The following TTYH2 variants were observed in gnomAD, a reference collection of about 807,000 sequenced individuals.
The protein encoded by TTYH2 is protein tweety homolog 2.
In TTYH2, 49 loss-of-function variants were observed where a neutral mutation model predicts 68.3. The ratio of observed to expected loss-of-function variants is 0.72; its 90% CI spans 0.57 to 0.91. TTYH2 has a LOEUF of 0.91. TTYH2 is among the 40% of genes least tolerant of loss of function. The pLI is 0.00. For missense variants in TTYH2, 631 were observed against 700.4 expected, an observed-to-expected ratio of 0.90 and a Z score of 1.12; for synonymous variants, 272 against 300.8, an observed-to-expected ratio of 0.90 and a Z score of 0.99.
intron 10 of TTYH2, among the ~76,000 whole-genome samples, chr17:74,251,073 TG>T (rs2050618954): frequency 7.8e-6 from 1 of 127,778 alleles, no homozygotes. Context: ...TGTGCGTGTG[TG>T]TGCACTTGTG....
chr17:74,230,043 A>G (rs1263872038), intron 2 of TTYH2, among the ~76,000 whole-genome samples: 1 of 152,178 alleles, frequency 6.6e-6, no homozygotes, highest in Non-Finnish European at 1.5e-5. Context: ...AGGCAGGAGA[A>G]TCACTTAAAC....
chr17:74,224,612 G>A (rs753544392), intron 2 of TTYH2, among the ~76,000 whole-genome samples: 8 of 152,206 alleles, frequency 5.3e-5, no homozygotes, highest in Non-Finnish European at 1.2e-4. Flanking sequence ...AGGCAAGAGG[G>A]CACCAGCAGT....
intron 6 of TTYH2, among the ~76,000 whole-genome samples, chr17:74,247,059 A>G (rs1365166020): frequency 6.6e-6 from 1 of 151,706 alleles, no homozygotes. Flanking sequence ...GTGCATTCCT[A>G]TAATCTCAGC....
rs2050205176 is a variant in TTYH2, at chr17:74,214,718, G to A, written c.129+1002G>A. Among the ~76,000 whole-genome samples the A allele has an allele frequency of 6.6e-6, 1 of 152,174 alleles. No individual in the cohort carries two copies. Among genetic ancestry groups the A allele is most frequent in the African/African-American group, 2.4e-5 (1 of 41,434 alleles). ...TTCCTTGTGTTGGGTCAAAGATTCT[G>A]GGGCCAGTGGACCAGGATGAGGTCC... is the stretch of plus-strand genomic sequence containing the variant. On this transcript the variant is annotated intron_variant, in intron 1 of 13. Coordinates refer to ENST00000269346, the MANE Select transcript of TTYH2 (RefSeq NM_032646.6). The surrounding 1 kb of genome is among the most constrained non-coding windows in gnomAD (Gnocchi z 4.6).
intron 3 of TTYH2, among the ~76,000 whole-genome samples, chr17:74,231,940 C>T (rs2050393527): frequency 6.6e-6 from 1 of 152,196 alleles, no homozygotes; most frequent in Non-Finnish European, 1.5e-5. Context: ...TGCTGGGGAC[C>T]TGGCCCAGGG....
chr17:74,243,530 G>A, intron 5 of TTYH2, 61 bp downstream of exon 5: 1 of 1,563,122 alleles, frequency 6.4e-7, no homozygotes, highest in Admixed American at 1.7e-5. Context: ...TCATCAGAGA[G>A]AGACGAGGGC....
chr17:74,244,870 G>A (rs1312385787), intron 6 of TTYH2, among the ~76,000 whole-genome samples: 1 of 151,988 alleles, frequency 6.6e-6, no homozygotes, highest in Non-Finnish European at 1.5e-5. Context: ...GTGTGTGTGT[G>A]TGTGTGTGTG....
chr17:74,215,534 C>T lies in TTYH2; in HGVS notation c.129+1818C>T. Reference sequence around the variant, plus strand: ...CTTTGTGCTGGGCATCAAATGGTTCCAGAGGGTGTCCCTTCCCATCGGCCA... The same window carrying T: ...CTTTGTGCTGGGCATCAAATGGTTCTAGAGGGTGTCCCTTCCCATCGGCCA... On this transcript the variant is annotated intron_variant, in intron 1 of 13. Transcript: ENST00000269346. The surrounding 1 kb of genome is among the most constrained non-coding windows in gnomAD (Gnocchi z 4.3). The T allele has an allele frequency of 1.7e-6, 2 of 1,188,616 alleles. No homozygotes were observed. The highest frequency in any genetic ancestry group is 1.5e-5 in the African/African-American group (1 of 65,908). The allele number at this position is 1,188,616 out of a possible 1,614,324, so 73.6% of individuals were successfully genotyped here. A position where few individuals can be genotyped will look rare whatever the true frequency, so the allele number is the denominator to read the frequency against.
intron 2 of TTYH2, among the ~76,000 whole-genome samples, chr17:74,223,011 T>C (rs2050292880): frequency 6.6e-6 from 1 of 152,044 alleles, no homozygotes; most frequent in Non-Finnish European, 1.5e-5. Flanking sequence ...CAGAAGAAAG[T>C]TTGACTCCAG....
intron 2 of TTYH2, among the ~76,000 whole-genome samples, chr17:74,228,263 C>G (rs2050352271): frequency 6.6e-6 from 1 of 152,176 alleles, no homozygotes; most frequent in Non-Finnish European, 1.5e-5. Flanking sequence ...GGATTACAGG[C>G]ATGAGCCACT....
intron 12 of TTYH2, 30 bp downstream of exon 12, chr17:74,253,296 T>C: frequency 6.5e-7 from 1 of 1,548,374 alleles, no homozygotes. Context: ...CCAGGCTGGG[T>C]AGCACTGCCC....
intron 10 of TTYH2, chr17:74,250,745 A>C (rs1407319799): frequency 6.1e-6 from 1 of 164,832 alleles, no homozygotes; most frequent in Non-Finnish European, 1.3e-5. Flanking sequence ...GGAACTTGGA[A>C]TATCAGACAG....
At position 74,237,490 on chromosome 17, in the gene TTYH2, A is replaced by T; in HGVS notation, c.611A>T (p.Gln204Leu). 1 of 1,613,304 alleles carries T rather than the reference A, an allele frequency of 6.2e-7. No individual in the cohort carries two copies. The highest frequency in any genetic ancestry group is 1.1e-5 in the South Asian group (1 of 91,012). The change falls in exon 4 of 14, where the codon CAG (glutamine) becomes CTG (leucine). Residue 204 changes from glutamine to leucine, a missense_variant. Coordinates refer to ENST00000269346, the MANE Select transcript of TTYH2 (RefSeq NM_032646.6). Reference protein sequence around the residue: ...VTMELTKLSDQTGYVEYYRWL... With the variant: ...VTMELTKLSDLTGYVEYYRWL... ...ATGGAGCTGACCAAGCTATCCGACCAGACTGGCTACGTGGAGTACTACAGG... is the reference window on the plus strand; with the variant it reads ...ATGGAGCTGACCAAGCTATCCGACCTGACTGGCTACGTGGAGTACTACAGG...
At chr17:74,255,872 T>C (rs1301983421) in intron 13 of TTYH2, among the ~76,000 whole-genome samples, 1 of 152,258 alleles carries the variant, frequency 6.6e-6, no homozygotes, top group Non-Finnish European at 1.5e-5. Context: ...CCGACCCAGA[T>C]AGTTTGGAAG....
intron 2 of TTYH2, among the ~76,000 whole-genome samples, chr17:74,230,352 C>G (rs2050375604): frequency 6.6e-6 from 1 of 152,030 alleles, no homozygotes; most frequent in Non-Finnish European, 1.5e-5. Context: ...GCCTCAGCCT[C>G]CCAAAGTGTT....
chr17:74,258,577 G>A (rs983763118), intron 13 of TTYH2, among the ~76,000 whole-genome samples: 3 of 152,170 alleles, frequency 2.0e-5, no homozygotes, highest in Admixed American at 6.5e-5. Context: ...GGAGATGTGC[G>A]TGTCTGACAT....
At position 74,231,002 on chromosome 17, in the gene TTYH2, A is replaced by G. The variant is rs371981916; in HGVS notation, c.414+3A>G. 1.1e-4 allele frequency: 182 copies of G among 1,613,406 alleles called. No homozygotes were observed. The African/African-American group carries it at 2.2e-3, about 19-fold the overall frequency. ...CCTTCTCTGGGATCGATGCTCTGGTAAGGCTCCCGGGCAGCTGGCCGGGTA... is the reference window on the plus strand; with the variant it reads ...CCTTCTCTGGGATCGATGCTCTGGTGAGGCTCCCGGGCAGCTGGCCGGGTA... On this transcript the variant is annotated splice_donor_region_variant and intron_variant, in intron 3 of 13. Coordinates refer to ENST00000269346, the MANE Select transcript of TTYH2 (RefSeq NM_032646.6).
chr17:74,256,582 G>A (rs1051211021), intron 13 of TTYH2, among the ~76,000 whole-genome samples: 5 of 152,136 alleles, frequency 3.3e-5, no homozygotes, highest in African/African-American at 1.2e-4. Flanking sequence ...GCCTCATGTC[G>A]TTCTTTCTTC....
In TTYH2 at chr17:74,241,651, C is replaced by T. The variant is rs549187890; in HGVS notation, c.636-1723C>T. 1.1e-4 allele frequency among the ~76,000 whole-genome samples: 16 copies of T among 152,368 alleles called. No homozygotes were observed. The highest frequency in any genetic ancestry group is 2.1e-4 in the South Asian group (1 of 4,830). ...CACTCCCTGCCCACGCTCCAAACTC[C>T]GTCTTCCCCTTTATGATGTCAGTGA... On this transcript the variant is annotated intron_variant, in intron 4 of 13. Transcript: ENST00000269346. This position sits in a 1 kb window ranked among gnomAD's most constrained non-coding sequence, Gnocchi z 4.1.
Sources: allele counts gnomAD v4.1 joint callset (sites outside exome capture counted in the v4.1 genomes callset), GRCh38; gene constraint gnomAD v4.1.1; non-coding constraint Gnocchi (gnomAD v3.1); transcripts MANE v1.5; gene names NCBI Gene and HGNC (gene_info 2026-07-23, HGNC 2026-07-21).